The following TRIM42 variants were observed in gnomAD, a reference collection of about 807,000 sequenced individuals.
The protein encoded by TRIM42 is tripartite motif-containing protein 42.
In TRIM42, 59 loss-of-function variants were observed where a neutral mutation model predicts 64.9. That is an observed-to-expected ratio of 0.91 (90% CI 0.74 to 1.13). The LOEUF is 1.13. TRIM42 is among the 50% of genes most tolerant of loss of function. The pLI, the probability that TRIM42 is intolerant of heterozygous loss-of-function variation, is 0.00. For synonymous variants in TRIM42, 354 were observed against 346.3 expected (o/e 1.02, Z -0.25); for missense variants, 878 against 929.5 (o/e 0.94, Z 0.72).
At position 140,701,049 on chromosome 3, in the gene TRIM42, T is replaced by A; in HGVS notation, c.*75T>A. The stretch of plus-strand genomic sequence containing the variant: ...TACACACACATATATGTATGTATAT[T>A]TTTCTCACCACATTCTTCAAGGAGG... On this transcript the variant is annotated 3_prime_UTR_variant, in exon 5 of 5. Coordinates refer to ENST00000286349, the MANE Select transcript of TRIM42 (RefSeq NM_152616.5). 7.9e-7 allele frequency: 1 copy of A among 1,269,864 alleles called. No homozygotes were observed. The highest frequency in any genetic ancestry group is 1.1e-6 in the Non-Finnish European group (1 of 909,286). 78.7% of individuals were successfully genotyped at this position (1,269,864 alleles called of 1,614,324 possible).
intron 4 of TRIM42, among the ~76,000 whole-genome samples, chr3:140,699,792 T>A (rs1287943065): frequency 2.6e-5 from 4 of 152,242 alleles, no homozygotes; most frequent in African/African-American, 7.2e-5. Flanking sequence ...ATGGATAATC[T>A]AATATCATGT....
intron 4 of TRIM42, among the ~76,000 whole-genome samples, chr3:140,698,843 T>G (rs1428295721): frequency 2.0e-5 from 3 of 152,138 alleles, no homozygotes; most frequent in Non-Finnish European, 4.4e-5. Flanking sequence ...ATCTGTTTAC[T>G]TACAATTCTC....
chr3:140,682,486 G>A lies in TRIM42; in HGVS notation c.366G>A (p.Gly122=). The A allele has an allele frequency of 6.2e-7, 1 of 1,614,052 alleles. No individual in the cohort carries two copies. Among genetic ancestry groups the A allele is most frequent in the South Asian group, 1.1e-5 (1 of 91,076 alleles). The change falls in exon 2 of 5, where the codon GGG becomes GGA. Residue 122 remains glycine, a synonymous_variant. Coordinates refer to ENST00000286349, the MANE Select transcript of TRIM42 (RefSeq NM_152616.5). ...HTSSKTALRT[G]SSDTQVDEVK... ...GCTCCAAGACTGCCCTGCGCACTGGGAGCAGCGATACCCAGGTGGATGAAG... is the reference window on the plus strand; with the variant it reads ...GCTCCAAGACTGCCCTGCGCACTGGAAGCAGCGATACCCAGGTGGATGAAG...
intron 2 of TRIM42, 102 bp downstream of exon 2, chr3:140,683,261 C>CTAGGTGGAAT: frequency 1.7e-6 from 2 of 1,195,976 alleles, no homozygotes; most frequent in Non-Finnish European, 2.4e-6. Flanking sequence ...ACAGATTCCA[C>CTAGGTGGAAT]CTAGTGGAGC....
rs770852458 is a variant in TRIM42 at position 140,688,110 on chromosome 3, C to T, written c.1428C>T (p.Pro476=). The T allele has an allele frequency of 1.2e-6, 2 of 1,613,894 alleles. No homozygotes were observed. The highest frequency in any genetic ancestry group is 2.7e-5 in the African/African-American group (2 of 74,914). The change falls in exon 3 of 5, where the codon CCC becomes CCT. Residue 476 remains proline, a synonymous_variant. Transcript: ENST00000286349. ...GGCTGCACTCAATAAACTACGTGCC[C>T]TTGGACTTTGTTGAGCTTTCCAGTG... The part of the protein sequence containing the change: ...QLRLHSINYV[P]LDFVELSSAI...
At chr3:140,679,581 A>G (rs1464299345) in intron 1 of TRIM42, among the ~76,000 whole-genome samples, 1 of 152,224 alleles carries the variant, frequency 6.6e-6, no homozygotes, top group Non-Finnish European at 1.5e-5. Flanking sequence ...CATTTAGTAG[A>G]TGCTTAACAA....
chr3:140,690,790 G>T (rs1988688622), intron 3 of TRIM42, among the ~76,000 whole-genome samples, 178 bp from the exon 4 acceptor site: 1 of 151,800 alleles, frequency 6.6e-6, no homozygotes, highest in Admixed American at 6.6e-5. Context: ...ATCATGCCAG[G>T]CCTCATCACA....
chr3:140,695,045 G>A (rs1235014548), intron 4 of TRIM42, among the ~76,000 whole-genome samples: 1 of 152,052 alleles, frequency 6.6e-6, no homozygotes, highest in Non-Finnish European at 1.5e-5. Context: ...AGGAGTTTGA[G>A]ACCAGACTGG....
At chr3:140,679,874 T>C (rs1988320589) in intron 1 of TRIM42, among the ~76,000 whole-genome samples, 1 of 151,472 alleles carries the variant, frequency 6.6e-6, no homozygotes, top group Admixed American at 6.6e-5. Flanking sequence ...TGATGCCTGA[T>C]CCCCACCCCC....
intron 4 of TRIM42, among the ~76,000 whole-genome samples, chr3:140,696,167 T>C (rs1224833283): frequency 6.6e-6 from 1 of 152,222 alleles, no homozygotes; most frequent in Admixed American, 6.5e-5. Context: ...ATATTCCCTT[T>C]TGTGACATCC....
chr3:140,682,175 A>T (rs76121890), intron 1 of TRIM42, among the ~76,000 whole-genome samples: 2,692 of 152,280 alleles, frequency 0.018, 60 homozygotes, highest in East Asian at 0.12. Context: ...CTGCTCTTAG[A>T]CTGTACAAGT....
intron 1 of TRIM42, among the ~76,000 whole-genome samples, chr3:140,679,908 G>C (rs1988323082): frequency 6.7e-6 from 1 of 149,478 alleles, no homozygotes; most frequent in African/African-American, 2.5e-5. Flanking sequence ...TTATTGGTCT[G>C]GGGTACCATC....
intron 1 of TRIM42, among the ~76,000 whole-genome samples, chr3:140,681,899 TA>T (rs572853814): frequency 0.021 from 3,105 of 146,850 alleles, 59 homozygotes; most frequent in East Asian, 0.12. Context: ...GTTTTTTGGT[TA>T]AAAAAAAAAA....
intron 4 of TRIM42, among the ~76,000 whole-genome samples, chr3:140,692,050 G>A (rs1207204788): frequency 6.6e-6 from 1 of 152,008 alleles, no homozygotes; most frequent in East Asian, 1.9e-4. Flanking sequence ...AGTCTCATGA[G>A]ACCACTTCTA....
rs1988274839 is a variant in TRIM42, at chr3:140,678,660, G to A, written c.341+90G>A. On this transcript the variant is annotated intron_variant, in intron 1 of 4. Coordinates refer to ENST00000286349, the MANE Select transcript of TRIM42 (RefSeq NM_152616.5). ...TGTGAAGTCTACAGGGCAGGCCAGTGAGCCTCTGAGTTCATTTCTTTATCT... is the reference window on the plus strand; with the variant it reads ...TGTGAAGTCTACAGGGCAGGCCAGTAAGCCTCTGAGTTCATTTCTTTATCT... The A allele has an allele frequency of 3.8e-6, 4 of 1,057,518 alleles. No individual in the cohort carries two copies. In the South Asian group the frequency reaches 4.9e-5, roughly 13 times the overall value. 65.5% of individuals were successfully genotyped at this position (1,057,518 alleles called of 1,614,324 possible).
Position 140,682,989 on chromosome 3 carries a change from G to T in TRIM42, c.869G>T (p.Cys290Phe). The change falls in exon 2 of 5, where the codon TGC becomes TTC. Residue 290 changes from cysteine to phenylalanine, a missense_variant. Coordinates refer to ENST00000286349, the MANE Select transcript of TRIM42 (RefSeq NM_152616.5). The stretch of plus-strand genomic sequence containing the variant: ...GCCGAGGAACAGGACGAGAAGATCT[G>T]CATCCACCACCCATCCAGCCGCATC... The part of the protein sequence containing the change: ...TSAEEQDEKI[C>F]IHHPSSRIIE... The T allele has an allele frequency of 6.2e-7, 1 of 1,614,224 alleles. No homozygotes were observed. The highest frequency in any genetic ancestry group is 8.5e-7 in the Non-Finnish European group (1 of 1,180,034).
In TRIM42 at chr3:140,682,654, G is replaced by A; in HGVS notation, c.534G>A (p.Glu178=). 2 of 1,613,534 alleles carry A rather than the reference G, an allele frequency of 1.2e-6. No individual in the cohort carries two copies. The highest frequency in any genetic ancestry group is 8.5e-7 in the Non-Finnish European group (1 of 1,180,036). The change falls in exon 2 of 5, where the codon GAG becomes GAA. Residue 178 remains glutamate (E), a synonymous_variant. Coordinates refer to ENST00000286349, the MANE Select transcript of TRIM42 (RefSeq NM_152616.5). ...TGCGGCAGCTGCAGAAGCACGCCGA[G>A]GTCACCGAGAACTTCTTCATCCTCA... ...KCLRQLQKHA[E]VTENFFILIC... is the part of the protein sequence containing the mutation.
chr3:140,701,074 G>A lies in TRIM42; in HGVS notation c.*100G>A. ...TTTTCTCACCACATTCTTCAAGGAG[G>A]TTGTAGACAAATGTTTCCATGACCT... On this transcript the variant is annotated 3_prime_UTR_variant, in exon 5 of 5. Coordinates refer to ENST00000286349, the MANE Select transcript of TRIM42 (RefSeq NM_152616.5). 1.9e-6 allele frequency: 2 copies of A among 1,045,800 alleles called. No individual in the cohort carries two copies. The highest frequency in any genetic ancestry group is 3.5e-5 in the South Asian group (2 of 57,708). The allele number at this position is 1,045,800 out of a possible 1,614,324, so 64.8% of individuals were successfully genotyped here. A position where few individuals can be genotyped will look rare whatever the true frequency, so the allele number is the denominator to read the frequency against.
At chr3:140,679,945 C>G (rs908715183) in intron 1 of TRIM42, among the ~76,000 whole-genome samples, 5 of 142,248 alleles carry the variant, frequency 3.5e-5, no homozygotes, top group Non-Finnish European at 6.2e-5. Context: ...TTAGAATCAA[C>G]CCCCCCACCC....
Sources: gnomAD v4.1 joint callset for allele counts (sites outside exome capture counted in the v4.1 genomes callset) on GRCh38, gnomAD v4.1.1 for gene constraint, MANE v1.5 for transcripts, NCBI Gene and HGNC (gene_info 2026-07-23, HGNC 2026-07-21) for gene names.